FAM221B: variants seen among roughly 807,000 people sequenced by gnomAD.
The protein encoded by FAM221B is protein FAM221B.
A neutral mutation model predicts 39.8 loss-of-function variants in FAM221B; 35 were observed. The observed-to-expected ratio is 0.88, with a 90% CI of 0.67 to 1.17. The LOEUF (loss-of-function observed/expected upper bound fraction) is 1.17. Among genes scored for constraint, FAM221B ranks in the 50% most tolerant of loss-of-function variants. The pLI, the probability that FAM221B is intolerant of heterozygous loss-of-function variation, is 0.00. For missense variants in FAM221B, 479 were observed against 503.1 expected (o/e 0.95, Z 0.46); for synonymous variants, 158 against 178.1 (o/e 0.89, Z 0.90).
intron 4 of FAM221B, 41 bp downstream of exon 4, chr9:35,819,849 A>AC: frequency 8.2e-7 from 1 of 1,222,948 alleles, no homozygotes; most frequent in Non-Finnish European, 1.2e-6. Context: ...GAGTACAGTT[A>AC]TTCCTCCACA....
Position 35,826,093 on chromosome 9 carries a change from CT to C in FAM221B, c.68del (p.Lys23ArgfsTer18). On this transcript the variant is annotated frameshift_variant, in exon 2 of 7. Transcript: ENST00000423537. LOFTEE classifies it high-confidence loss of function. ...CCTGTAAGTCCTCAGCAGAGGGGTC[CT>C]TTGAAGGGGGGTGCTTCTCTGCATC... ...TMDAEKHPPSKDPSAEDLQEN... is the reference protein window; with the variant it reads ...TMDAEKHPPSXDPSAEDLQEN... 6.2e-7 allele frequency: 1 copy of C among 1,613,038 alleles called. No individual in the cohort carries two copies. The highest frequency in any genetic ancestry group is 1.1e-5 in the South Asian group (1 of 90,974).
rs1441604757 is a variant in FAM221B, at chr9:35,828,111, G to A, written c.-1+352C>T. On this transcript the variant is annotated intron_variant, in intron 1 of 6. Coordinates refer to ENST00000423537, the MANE Select transcript of FAM221B (RefSeq NM_001012446.4). The surrounding 1 kb of genome is among the most constrained non-coding windows in gnomAD (Gnocchi z 4.5). ...GTTCGAGACCAGCCTGGCCAACATG[G>A]TGAAACCCAGTCTCTACTAAAAATA... is the stretch of plus-strand genomic sequence containing the variant. Among the ~76,000 whole-genome samples, 1 of 152,102 alleles carries A rather than the reference G, an allele frequency of 6.6e-6. No homozygotes were observed. Among genetic ancestry groups the A allele is most frequent in the African/African-American group, 2.4e-5 (1 of 41,406 alleles).
rs1829321001 is a variant in FAM221B at position 35,825,538 on chromosome 9, A to T, written c.598+26T>A. The T allele has an allele frequency of 1.9e-6, 3 of 1,585,172 alleles. No homozygotes were observed. The South Asian group carries it at 3.4e-5, about 18-fold the overall frequency. ...GGAGAGGACAGGTACAATTACAGCT[A>T]ACTCCTTTCTTCTTCTTCTTCTTGC... On this transcript the variant is annotated intron_variant, in intron 2 of 6. Coordinates refer to ENST00000423537, the MANE Select transcript of FAM221B (RefSeq NM_001012446.4). The surrounding 1 kb of genome is among the most constrained non-coding windows in gnomAD (Gnocchi z 4.2).
At chr9:35,819,461 C>A in intron 4 of FAM221B, 67 bp from the exon 5 acceptor site, 1 of 1,401,360 alleles carries the variant, frequency 7.1e-7, no homozygotes, top group Non-Finnish European at 9.7e-7. Context: ...CCAACCCCAT[C>A]CTCCATCCCC....
chr9:35,822,557 G>A (rs536399944), intron 3 of FAM221B, among the ~76,000 whole-genome samples: 5 of 152,140 alleles, frequency 3.3e-5, no homozygotes, highest in African/African-American at 9.6e-5. Context: ...ACAGGTGTCC[G>A]CCACCACACC....
intron 3 of FAM221B, among the ~76,000 whole-genome samples, chr9:35,821,977 G>T (rs568067406): frequency 2.5e-4 from 38 of 152,296 alleles, no homozygotes; most frequent in African/African-American, 8.9e-4. Context: ...ACACAGTCCA[G>T]TTCCACAATC....
At chr9:35,827,257 C>T (rs1829403834) in intron 1 of FAM221B, among the ~76,000 whole-genome samples, 1 of 152,226 alleles carries the variant, frequency 6.6e-6, no homozygotes, top group Non-Finnish European at 1.5e-5. Flanking sequence ...CAAATGCATT[C>T]TCTCCTCTCC....
intron 3 of FAM221B, among the ~76,000 whole-genome samples, chr9:35,822,143 G>A (rs918317414): frequency 2.0e-5 from 3 of 152,186 alleles, no homozygotes; most frequent in Non-Finnish European, 4.4e-5. Flanking sequence ...GGGCCAGCAT[G>A]TTTCATAAGC....
intron 3 of FAM221B, among the ~76,000 whole-genome samples, chr9:35,823,865 T>C (rs1480299338): frequency 6.6e-6 from 1 of 152,146 alleles, no homozygotes; most frequent in Admixed American, 6.5e-5. Context: ...AGGGTCTCAC[T>C]GTCTTGTCCT....
chr9:35,826,285 T>A (rs1282667460), intron 1 of FAM221B, 124 bp from the exon 2 acceptor site: 7 of 742,772 alleles, frequency 9.4e-6, no homozygotes, highest in Non-Finnish European at 1.6e-5. Flanking sequence ...AGCTGAGATA[T>A]AAGAGGGAAA....
chr9:35,823,036 T>C (rs1010329848), intron 3 of FAM221B, among the ~76,000 whole-genome samples: 14 of 152,252 alleles, frequency 9.2e-5, no homozygotes, highest in African/African-American at 3.4e-4. Context: ...CACCACTCTA[T>C]GCATCAGGCA....
At position 35,818,942 on chromosome 9, in the gene FAM221B, G is replaced by A. The variant is rs765976003; in HGVS notation, c.1119C>T (p.His373=). The A allele has an allele frequency of 2.3e-5, 36 of 1,551,716 alleles. No individual in the cohort carries two copies. In the East Asian group the frequency reaches 4.9e-4, roughly 21 times the overall value. ...CAACDRRWEE[H]ETFFDTQKTR... Reference sequence around the variant, plus strand: ...TCTTCTGGGTGTCAAAGAAAGTCTCGTGTTCCTCCCAGCGCCGGTCACAGG... The same window carrying A: ...TCTTCTGGGTGTCAAAGAAAGTCTCATGTTCCTCCCAGCGCCGGTCACAGG... The change falls in exon 6 of 7, where the codon CAC becomes CAT. Residue 373 remains histidine (H), a synonymous_variant. Coordinates refer to ENST00000423537, the MANE Select transcript of FAM221B (RefSeq NM_001012446.4).
chr9:35,821,263 G>T lies in FAM221B; in HGVS notation c.743-1263C>A, dbSNP rs1389201374. The stretch of plus-strand genomic sequence containing the variant: ...ACAAAATGGTTGCTGAGAGAACGTA[G>T]ATTGCCTGATTAAACAATTGAGCTC... On this transcript the variant is annotated intron_variant, in intron 3 of 6. Coordinates refer to ENST00000423537, the MANE Select transcript of FAM221B (RefSeq NM_001012446.4). 2.0e-5 allele frequency among the ~76,000 whole-genome samples: 3 copies of T among 152,186 alleles called. No individual in the cohort carries two copies. In the East Asian group the frequency reaches 5.8e-4, roughly 29 times the overall value.
intron 3 of FAM221B, among the ~76,000 whole-genome samples, chr9:35,820,970 T>C (rs1829136607): frequency 6.6e-6 from 1 of 152,182 alleles, no homozygotes; most frequent in Non-Finnish European, 1.5e-5. Context: ...AAGAATCCTG[T>C]ATGAGGCCCC....
chr9:35,825,302 C>T lies in FAM221B; in HGVS notation c.670G>A (p.Glu224Lys), dbSNP rs748604614. The T allele has an allele frequency of 1.4e-5, 22 of 1,614,280 alleles. No individual in the cohort carries two copies. In the South Asian group the frequency reaches 2.3e-4, roughly 17 times the overall value. Residue 224 changes from glutamate (E) to lysine (K), a missense_variant, in exon 3 of 7, where the codon GAG becomes AAG. Transcript: ENST00000423537. The surrounding 1 kb of genome is among the most constrained non-coding windows in gnomAD (Gnocchi z 4.2). ...TTGTTCACTTGAGCACCAAACTCCT[C>T]TCTATGCATTGCCTTAGCCACTTCC... ...LVEVAKAMHR[E>K]EFGAQVNNLF...
chr9:35,825,888 C>A lies in FAM221B; in HGVS notation c.274G>T (p.Ala92Ser), dbSNP rs762115477. The A allele has an allele frequency of 1.2e-6, 2 of 1,613,990 alleles. No homozygotes were observed. The highest frequency in any genetic ancestry group is 4.5e-5 in the East Asian group (2 of 44,866). ...ETPSETPTYE[A>S]SLDSPISVVP... The stretch of plus-strand genomic sequence containing the variant: ...ACTGAGATGGGACTATCCAATGAAG[C>A]CTCATAGGTAGGGGTCTCTGAAGGA... Residue 92 changes from alanine to serine, a missense_variant, in exon 2 of 7, where the codon GCT becomes TCT. By Grantham distance (99) the Ala-to-Ser change is moderately conservative. Coordinates refer to ENST00000423537, the MANE Select transcript of FAM221B (RefSeq NM_001012446.4). This position sits in a 1 kb window ranked among gnomAD's most constrained non-coding sequence, Gnocchi z 4.2.
intron 4 of FAM221B, 43 bp from the exon 5 acceptor site, chr9:35,819,437 C>T: frequency 6.6e-7 from 1 of 1,517,908 alleles, no homozygotes; most frequent in Non-Finnish European, 8.9e-7. Context: ...CTGATAGGAC[C>T]TTGCCTTCTC....
Position 35,825,418 on chromosome 9 carries a change from C to G in FAM221B, c.599-45G>C. Reference sequence around the variant, plus strand: ...GTAACCAGGGGGAAGTGAGAAGGCCCTAAAACTAAGAGAAGGGGCCATGTC... The same window carrying G: ...GTAACCAGGGGGAAGTGAGAAGGCCGTAAAACTAAGAGAAGGGGCCATGTC... On this transcript the variant is annotated intron_variant, in intron 2 of 6. Coordinates refer to ENST00000423537, the MANE Select transcript of FAM221B (RefSeq NM_001012446.4). This position sits in a 1 kb window ranked among gnomAD's most constrained non-coding sequence, Gnocchi z 4.2. 6.2e-7 allele frequency: 1 copy of G among 1,611,446 alleles called. No homozygotes were observed.
rs1008703946 is a variant in FAM221B at position 35,825,409 on chromosome 9, G to A, written c.599-36C>T. The A allele has an allele frequency of 8.1e-6, 13 of 1,612,944 alleles. No homozygotes were observed. Among genetic ancestry groups the A allele is most frequent in the East Asian group, 2.2e-5 (1 of 44,884 alleles). On this transcript the variant is annotated intron_variant, in intron 2 of 6. Transcript: ENST00000423537. The surrounding 1 kb of genome is among the most constrained non-coding windows in gnomAD (Gnocchi z 4.2). ...AGAGGATGAGTAACCAGGGGGAAGTGAGAAGGCCCTAAAACTAAGAGAAGG... is the reference window on the plus strand; with the variant it reads ...AGAGGATGAGTAACCAGGGGGAAGTAAGAAGGCCCTAAAACTAAGAGAAGG...
Sources: gnomAD v4.1 joint callset for allele counts (sites outside exome capture counted in the v4.1 genomes callset) on GRCh38, gnomAD v4.1.1 for gene constraint, Gnocchi (gnomAD v3.1) non-coding constraint, MANE v1.5 for transcripts, NCBI Gene and HGNC (gene_info 2026-07-23, HGNC 2026-07-21) for gene names.